SPANXN2: variants seen among roughly 807,000 people sequenced by gnomAD.
The protein encoded by SPANXN2 is sperm protein associated with the nucleus on the X chromosome N2.
SPANXN2 carries 1 observed loss-of-function variant against 2.0 expected under a neutral mutation model. The ratio of observed to expected loss-of-function variants is 0.50; its 90% CI spans 0.18 to 2.36. SPANXN2 has a LOEUF of 2.36. Among genes scored for constraint, SPANXN2 ranks in the 30% most tolerant of loss-of-function variants. The pLI is 0.26. For missense variants in SPANXN2, 88 were observed against 116.7 expected, an observed-to-expected ratio of 0.75 and a Z score of 1.13; for synonymous variants, 43 against 49.8, an observed-to-expected ratio of 0.86 and a Z score of 0.58.
intron 1 of SPANXN2, among the ~76,000 whole-genome samples, chrX:143,714,795 T>C (rs1932229655): frequency 9.0e-6 from 1 of 111,565 alleles, no homozygotes; most frequent in Non-Finnish European, 1.9e-5. Flanking sequence ...AGAGACTTAA[T>C]CAAAGTGGCC....
intron 1 of SPANXN2, among the ~76,000 whole-genome samples, chrX:143,715,113 A>C (rs1482796935): frequency 1.8e-5 from 2 of 111,605 alleles, no homozygotes; most frequent in African/African-American, 6.5e-5. Flanking sequence ...ACCTGAAGAC[A>C]GGTGGGGCCT....
At chrX:143,713,613 G>C (rs1343160353) in intron 1 of SPANXN2, among the ~76,000 whole-genome samples, 1 of 110,951 alleles carries the variant, frequency 9.0e-6, no homozygotes, top group Non-Finnish European at 1.9e-5. Flanking sequence ...ATAGTACGGG[G>C]CTGCCCCAAC....
intron 1 of SPANXN2, among the ~76,000 whole-genome samples, chrX:143,719,878 C>T (rs782817528): frequency 9.4e-4 from 103 of 109,648 alleles, no homozygotes; most frequent in Non-Finnish European, 9.5e-4. Context: ...TACATTTGGC[C>T]GATGTATACT....
At chrX:143,713,033 G>T (rs1417447103) in intron 1 of SPANXN2, among the ~76,000 whole-genome samples, 3 of 111,620 alleles carry the variant, frequency 2.7e-5, no homozygotes, top group Non-Finnish European at 5.6e-5. Flanking sequence ...CATTAAGCTT[G>T]TCCTCCACTT....
chrX:143,712,081 T>A (rs148986365), exon 2 of SPANXN2: 1 of 1,210,926 alleles, frequency 8.3e-7, no homozygotes, highest in African/African-American at 1.7e-5. Context: ...TGAGTCTAGG[T>A]CTTCGTCCTC....
At position 143,715,396 on chromosome X, in the gene SPANXN2, A is replaced by C. The variant is rs1932242053; in HGVS notation, c.79-2897T>G. On this transcript the variant is annotated intron_variant, in intron 1 of 1. Transcript: ENST00000598475. Reference sequence around the variant, plus strand: ...GGTTATCCCTCAGTCCCCTACCCCTATCTTGGGATGGGACATATTAAGTAA... The same window carrying C: ...GGTTATCCCTCAGTCCCCTACCCCTCTCTTGGGATGGGACATATTAAGTAA... Among the ~76,000 whole-genome samples, 3 of 110,063 alleles carry C rather than the reference A, an allele frequency of 2.7e-5. No homozygotes were observed. The South Asian group carries it at 1.2e-3, about 44-fold the overall frequency.
intron 1 of SPANXN2, among the ~76,000 whole-genome samples, chrX:143,719,588 T>C (rs781837729): frequency 1.3e-3 from 143 of 112,361 alleles, no homozygotes; most frequent in African/African-American, 4.4e-3. Context: ...TGTCCACCCC[T>C]AGTGTCTTCT....
chrX:143,712,245 C>T (rs1217686588), exon 2 of SPANXN2: 2 of 1,205,119 alleles, frequency 1.7e-6, no homozygotes, highest in Non-Finnish European at 2.2e-6. Flanking sequence ...GGTCTTCGTC[C>T]TCCTGTGAAG....
intron 1 of SPANXN2, among the ~76,000 whole-genome samples, chrX:143,720,102 C>T (rs1218658520): frequency 6.3e-5 from 7 of 110,840 alleles, no homozygotes; most frequent in Non-Finnish European, 1.1e-4. Context: ...CAACAATGCC[C>T]CTCTTCCTTT....
chrX:143,720,511 C>T, intron 1 of SPANXN2, 80 bp downstream of exon 1: 1 of 1,066,690 alleles, frequency 9.4e-7, no homozygotes, highest in Non-Finnish European at 1.3e-6. Context: ...TGCAGTATTC[C>T]TGTGTTGCTG....
intron 1 of SPANXN2, among the ~76,000 whole-genome samples, chrX:143,714,721 C>A (rs1243014148): frequency 1.8e-5 from 2 of 112,087 alleles, no homozygotes; most frequent in African/African-American, 3.2e-5. Context: ...ACTTTATCTC[C>A]CAGTCAGACC....
chrX:143,714,452 G>A (rs1556449131), intron 1 of SPANXN2, among the ~76,000 whole-genome samples: 2 of 111,176 alleles, frequency 1.8e-5, no homozygotes, highest in Non-Finnish European at 3.8e-5. Flanking sequence ...GGGTGCCCAG[G>A]TCCATGAGAA....
At chrX:143,716,471 C>T (rs1330653132) in intron 1 of SPANXN2, among the ~76,000 whole-genome samples, 2 of 111,403 alleles carry the variant, frequency 1.8e-5, no homozygotes, top group African/African-American at 3.3e-5. Flanking sequence ...CATCCTAAAA[C>T]CCCTGAACCC....
At chrX:143,718,582 C>T (rs1556450306) in intron 1 of SPANXN2, among the ~76,000 whole-genome samples, 3 of 111,583 alleles carry the variant, frequency 2.7e-5, no homozygotes, top group Admixed American at 9.5e-5. Context: ...ATTTGTTCAC[C>T]CCCAAATTAT....
intron 1 of SPANXN2, among the ~76,000 whole-genome samples, chrX:143,720,308 T>C (rs1209914740): frequency 1.9e-5 from 2 of 107,595 alleles, no homozygotes; most frequent in Non-Finnish European, 3.8e-5. Flanking sequence ...CTGGGCAAAG[T>C]TCCAAGAAAC....
rs1192014555 is a variant in SPANXN2, at chrX:143,720,503, C to T, written c.78+88G>A. 11 of 1,011,572 alleles carry T rather than the reference C, an allele frequency of 1.1e-5. No homozygotes were observed. In the African/African-American group the frequency reaches 2.0e-4, roughly 19 times the overall value. The allele number at this position is 1,011,572 out of a possible 1,213,427, so 83.4% of individuals were successfully genotyped here. On this transcript the variant is annotated intron_variant, in intron 1 of 1. Coordinates refer to ENST00000598475, the Ensembl canonical transcript of SPANXN2. ...GGTCCCCCACTTCCACAGGTGTCTG[C>T]AGTATTCCTGTGTTGCTGTTTGAGC... is the stretch of plus-strand genomic sequence containing the variant.
chrX:143,714,485 G>T (rs1932224453), intron 1 of SPANXN2, among the ~76,000 whole-genome samples: 1 of 111,570 alleles, frequency 9.0e-6, no homozygotes, highest in Admixed American at 9.5e-5. Context: ...ACAAGATGCT[G>T]CTCATAATCC....
At chrX:143,719,630 A>G (rs1477671865) in intron 1 of SPANXN2, among the ~76,000 whole-genome samples, 1 of 111,890 alleles carries the variant, frequency 8.9e-6, no homozygotes, top group Non-Finnish European at 1.9e-5. Flanking sequence ...ATCTCTGCCT[A>G]CTGGCCAATT....
intron 1 of SPANXN2, 82 bp from the exon 2 acceptor site, chrX:143,712,581 G>C: frequency 1.1e-6 from 1 of 898,986 alleles, no homozygotes; most frequent in Non-Finnish European, 1.6e-6. Context: ...GGGGCTTTAT[G>C]AGAAGGAATG....
Sources: gnomAD v4.1 joint callset for allele counts (sites outside exome capture counted in the v4.1 genomes callset) on GRCh38, gnomAD v4.1.1 for gene constraint, MANE v1.5 for transcripts, NCBI Gene and HGNC (gene_info 2026-07-23, HGNC 2026-07-21) for gene names.